The following SELENOP variants were observed in gnomAD, a reference collection of about 807,000 sequenced individuals.
SELENOP encodes selenoprotein P, also known as selenoprotein P, plasma, 1.
Under a neutral mutation model 41.0 loss-of-function variants are expected in SELENOP, and 36 were observed. That is an observed-to-expected ratio of 0.88 (90% CI 0.67 to 1.16). The LOEUF is 1.16. SELENOP is among the 50% of genes most tolerant of loss of function. The pLI, the probability that SELENOP is intolerant of heterozygous loss-of-function variation, is 0.00. For synonymous variants in SELENOP, 144 were observed against 150.8 expected, an observed-to-expected ratio of 0.95 and a Z score of 0.33; for missense variants, 440 against 454.2, an observed-to-expected ratio of 0.97 and a Z score of 0.28.
intron 3 of SELENOP, chr5:42,806,353 TAATC>T (rs983621373): frequency 1.3e-5 from 2 of 152,310 alleles, no homozygotes; most frequent in African/African-American, 4.8e-5. Context: ...TAGGAGAAGA[TAATC>T]AATACAGATT....
At position 42,808,239 on chromosome 5, in the gene SELENOP, G is replaced by T. The variant is rs773306164; in HGVS notation, c.115C>A (p.Gln39Lys). ...CCATTGGAGTTTAGCATTGGATCTT[G>T]ATCTCTTATGCTCCAGGCTGGGGGT... ...KQPPAWSIRD[Q>K]DPMLNSNGSV... is the part of the protein sequence containing the mutation. The change falls in exon 2 of 5, where the codon CAA becomes AAA. Residue 39 changes from glutamine to lysine, a missense_variant. Transcript: ENST00000514985. 12 of 1,580,486 alleles carry T rather than the reference G, an allele frequency of 7.6e-6. No homozygotes were observed. The highest frequency in any genetic ancestry group is 1.0e-5 in the Non-Finnish European group (12 of 1,163,318).
chr5:42,806,779 T>A, intron 3 of SELENOP, 117 bp downstream of exon 3: 3 of 540,316 alleles, frequency 5.6e-6, no homozygotes, highest in African/African-American at 3.7e-5. Context: ...AGATGAAGAC[T>A]GAAATATGGC....
intron 4 of SELENOP, among the ~76,000 whole-genome samples, chr5:42,804,392 C>T (rs1240517735): frequency 6.6e-6 from 1 of 152,040 alleles, no homozygotes; most frequent in Non-Finnish European, 1.5e-5. Context: ...ACCCGGGAGG[C>T]GGAGCTTGCA....
intron 4 of SELENOP, among the ~76,000 whole-genome samples, chr5:42,803,549 T>C (rs1760259424): frequency 6.6e-6 from 1 of 152,198 alleles, no homozygotes; most frequent in African/African-American, 2.4e-5. Context: ...TTGAGGCGGC[T>C]TTCTTTAGAC....
chr5:42,800,560 A>G lies in SELENOP; in HGVS notation c.*160T>C, dbSNP rs376550561. The G allele has an allele frequency of 2.4e-6, 2 of 827,300 alleles. No homozygotes were observed. The highest frequency in any genetic ancestry group is 1.7e-5 in the African/African-American group (1 of 58,266). The allele number at this position is 827,300 out of a possible 1,614,324, so 51.2% of individuals were successfully genotyped here. On this transcript the variant is annotated 3_prime_UTR_variant, in exon 5 of 5. Coordinates refer to ENST00000514985, the MANE Select transcript of SELENOP (RefSeq NM_005410.4). ...AAATATGGTTTGAGTCAATATTTCT[A>G]TGACATAAAATTTAAAATCTGGAAG...
At chr5:42,808,021 T>G (rs1246452482) in intron 2 of SELENOP, 130 bp downstream of exon 2, 11 of 428,788 alleles carry the variant, frequency 2.6e-5, no homozygotes, top group Non-Finnish European at 4.0e-6. Flanking sequence ...ATATGTTCTA[T>G]GCAAACACAT....
At chr5:42,811,405 A>G (rs1760455239) in intron 1 of SELENOP, among the ~76,000 whole-genome samples, 1 of 152,212 alleles carries the variant, frequency 6.6e-6, no homozygotes, top group Non-Finnish European at 1.5e-5. Flanking sequence ...ATATCCCTGG[A>G]CATTTCTACA....
At chr5:42,810,816 A>G (rs1243700036) in intron 1 of SELENOP, 5 of 1,011,516 alleles carry the variant, frequency 4.9e-6, no homozygotes, top group Non-Finnish European at 6.1e-6. Flanking sequence ...TGTTTCACTC[A>G]TTTCCCTCAT....
chr5:42,800,774 A>C lies in SELENOP; in HGVS notation c.1092T>G (p.Ser364Arg), dbSNP rs1157951014. The C allele has an allele frequency of 6.2e-7, 1 of 1,613,520 alleles. No individual in the cohort carries two copies. The highest frequency in any genetic ancestry group is 2.2e-5 in the East Asian group (1 of 44,862). ...ISQQLIPTEA[S>R]ASURUKNQAK... The stretch of plus-strand genomic sequence containing the variant: ...CCTGATTCTTTCAGCGTCAACTGGC[A>C]CTGGCTTCTGTGGGTATAAGCTGCT... Residue 364 changes from serine (S) to arginine (R), a missense_variant, in exon 5 of 5, where the codon AGT becomes AGG. Transcript: ENST00000514985.
chr5:42,809,814 A>G (rs909615434), intron 1 of SELENOP: 2 of 927,574 alleles, frequency 2.2e-6, no homozygotes, highest in African/African-American at 1.8e-5. Flanking sequence ...TGAGAGAGGT[A>G]GAGAGAGAGG....
rs184650470 is a variant in SELENOP, at chr5:42,807,964, C to T, written c.203+187G>A. The T allele has an allele frequency of 5.0e-4, 185 of 369,746 alleles. 1 individual carries two copies. Among genetic ancestry groups the T allele is most frequent in the African/African-American group, 3.7e-3 (180 of 48,066 alleles). 22.9% of individuals were successfully genotyped at this position (369,746 alleles called of 1,614,324 possible). On this transcript the variant is annotated intron_variant, in intron 2 of 4. Transcript: ENST00000514985. Reference sequence around the variant, plus strand: ...AAAAAATTTCCATAACCCTAGGAAACCCACTGTAAACATTTTGGTGTGTAT... The same window carrying T: ...AAAAAATTTCCATAACCCTAGGAAATCCACTGTAAACATTTTGGTGTGTAT...
At chr5:42,803,695 A>G (rs1426516506) in intron 4 of SELENOP, among the ~76,000 whole-genome samples, 4 of 152,180 alleles carry the variant, frequency 2.6e-5, no homozygotes, top group African/African-American at 9.7e-5. Context: ...ATGAAGGAAA[A>G]CAAGTCTAGT....
At chr5:42,809,693 G>A in intron 1 of SELENOP, 1 of 441,246 alleles carries the variant, frequency 2.3e-6, no homozygotes, top group Admixed American at 6.4e-5. Flanking sequence ...TTAATGCACT[G>A]GTAGATATAG....
At chr5:42,805,845 AAAAGTCATTTCAAAAATC>A (rs1268672028) in intron 3 of SELENOP, 1 of 152,180 alleles carries the variant, frequency 6.6e-6, no homozygotes, top group Admixed American at 6.5e-5. Flanking sequence ...TTACTTTTTA[AAAAGTCATTTCAAAAATC>A]AAAGTCATTT....
chr5:42,808,907 G>A (rs1174276628), intron 1 of SELENOP, among the ~76,000 whole-genome samples: 2 of 145,580 alleles, frequency 1.4e-5, no homozygotes, highest in Middle Eastern at 3.5e-3. Context: ...GCGACAGAAC[G>A]AGACTCTGTC....
chr5:42,804,574 TGAG>T (rs1286090966), intron 4 of SELENOP, 79 bp downstream of exon 4: 3 of 738,698 alleles, frequency 4.1e-6, no homozygotes, highest in Non-Finnish European at 6.8e-6. Context: ...GCAAAAGCAT[TGAG>T]TTTTCTAAAT....
intron 3 of SELENOP, 181 bp downstream of exon 3, chr5:42,806,715 A>G (rs1483142657): frequency 2.3e-6 from 1 of 426,050 alleles, no homozygotes; most frequent in African/African-American, 2.0e-5. Context: ...AAATGAGAGT[A>G]TTTCAAAAAT....
At chr5:42,809,680 G>A in intron 1 of SELENOP, 5 of 345,492 alleles carry the variant, frequency 1.4e-5, no homozygotes, top group Non-Finnish European at 2.0e-5. Context: ...ATTGATCTGG[G>A]CTTTAATGCA....
intron 3 of SELENOP, chr5:42,805,386 T>C (rs1383490523): frequency 1.3e-5 from 2 of 152,162 alleles, no homozygotes; most frequent in African/African-American, 4.8e-5. Context: ...TTTTAGGTTA[T>C]CCTAAAAATT....
Sources: allele counts gnomAD v4.1 joint callset (sites outside exome capture counted in the v4.1 genomes callset), GRCh38; gene constraint gnomAD v4.1.1; transcripts MANE v1.5; gene names NCBI Gene and HGNC (gene_info 2026-07-23, HGNC 2026-07-21).